Variants in DAW1 observed in about 807,000 individuals in gnomAD.
DAW1 encodes dynein assembly factor with WD repeats 1.
Under a neutral mutation model 56.5 loss-of-function variants are expected in DAW1, and 47 were observed. That is an observed-to-expected ratio of 0.83 (90% CI 0.66 to 1.06). The LOEUF (loss-of-function observed/expected upper bound fraction) is 1.06, where lower values mean the gene tolerates loss of function less well. Ranked by LOEUF, DAW1 falls within the 50% of genes least tolerant of loss-of-function variation. The probability of loss-of-function intolerance (pLI) is 0.00; values close to 1 mark genes in which losing one functional copy is unlikely to be tolerated. For missense variants in DAW1, 505 were observed against 499.3 expected (o/e 1.01, Z -0.11); for synonymous variants, 190 against 179.0 (o/e 1.06, Z -0.49).
At chr2:227,885,516 A>T in intron 2 of DAW1, 93 bp downstream of exon 2, 2 of 922,470 alleles carry the variant, frequency 2.2e-6, no homozygotes, top group South Asian at 4.3e-5. Flanking sequence ...TGCAGATAAT[A>T]CATTATGTTT....
At chr2:227,880,930 C>T (rs1476503483) in intron 1 of DAW1, among the ~76,000 whole-genome samples, 1 of 152,158 alleles carries the variant, frequency 6.6e-6, no homozygotes, top group Non-Finnish European at 1.5e-5. Context: ...TAATTAAAGA[C>T]ATGGTACCGA....
chr2:227,872,617 C>A (rs1046029387), intron 1 of DAW1, among the ~76,000 whole-genome samples: 1 of 152,176 alleles, frequency 6.6e-6, no homozygotes, highest in Non-Finnish European at 1.5e-5. Flanking sequence ...GGCATCATCA[C>A]CCAGCCTGTT....
chr2:227,914,474 C>T (rs113715501), intron 10 of DAW1, among the ~76,000 whole-genome samples: 5,487 of 152,100 alleles, frequency 0.036, 125 homozygotes, highest in South Asian at 0.082. Flanking sequence ...TATGATTCTA[C>T]GCTGAGCCAT....
At chr2:227,890,773 T>C (rs1249545592) in intron 3 of DAW1, among the ~76,000 whole-genome samples, 7 of 152,248 alleles carry the variant, frequency 4.6e-5, no homozygotes, top group Non-Finnish European at 5.9e-5. Flanking sequence ...ATGGTGAAAG[T>C]AGATGCTATT....
rs1691344984 is a variant in DAW1, at chr2:227,893,970, A to C, written c.440+53A>C. The stretch of plus-strand genomic sequence containing the variant: ...TATTAATTCATTTATTCATCCCTCC[A>C]TCTGCTTGGGGAGAAAGGGAAGAAG... On this transcript the variant is annotated intron_variant, in intron 5 of 12. Coordinates refer to ENST00000309931, the MANE Select transcript of DAW1 (RefSeq NM_178821.3). 6 of 1,479,760 alleles carry C rather than the reference A, an allele frequency of 4.1e-6. No homozygotes were observed. The South Asian group carries it at 8.2e-5, about 20-fold the overall frequency. 91.7% of individuals were successfully genotyped at this position (1,479,760 alleles called of 1,614,324 possible). A position where few individuals can be genotyped will look rare whatever the true frequency, so the allele number is the denominator to read the frequency against.
At chr2:227,919,138 GTGAGATGTGAT>G (rs1346554045) in intron 11 of DAW1, among the ~76,000 whole-genome samples, 1 of 149,824 alleles carries the variant, frequency 6.7e-6, no homozygotes, top group African/African-American at 2.5e-5. Flanking sequence ...CAAGGCTGCA[GTGAGATGTGAT>G]TGCACCACTG....
intron 2 of DAW1, among the ~76,000 whole-genome samples, chr2:227,888,361 A>G (rs1691178548): frequency 6.6e-6 from 1 of 152,252 alleles, no homozygotes; most frequent in Non-Finnish European, 1.5e-5. Context: ...TTTATTGGGC[A>G]GTGACACTTG....
chr2:227,914,753 G>T (rs1691912519), intron 10 of DAW1, among the ~76,000 whole-genome samples: 1 of 151,982 alleles, frequency 6.6e-6, no homozygotes, highest in Non-Finnish European at 1.5e-5. Context: ...AACCACCTAT[G>T]ATGCTACATG....
chr2:227,900,276 T>A (rs1244432880), intron 6 of DAW1, among the ~76,000 whole-genome samples: 2 of 152,212 alleles, frequency 1.3e-5, no homozygotes, highest in East Asian at 3.9e-4. Flanking sequence ...GTGACCATTT[T>A]TGCACACTCC....
chr2:227,887,273 G>A (rs1326794879), intron 2 of DAW1, among the ~76,000 whole-genome samples: 3 of 152,160 alleles, frequency 2.0e-5, no homozygotes, highest in East Asian at 3.8e-4. Context: ...GAAAAGATGA[G>A]GCCTAATATC....
intron 2 of DAW1, among the ~76,000 whole-genome samples, chr2:227,888,539 C>A (rs1294591699): frequency 2.6e-5 from 4 of 152,204 alleles, no homozygotes; most frequent in Non-Finnish European, 5.9e-5. Context: ...TCTTGCTCTG[C>A]CCCTGCTCAG....
intron 12 of DAW1, among the ~76,000 whole-genome samples, chr2:227,923,615 A>C (rs139309064): frequency 1.1e-3 from 173 of 152,218 alleles, no homozygotes; most frequent in African/African-American, 3.9e-3. Flanking sequence ...GTGATGTTTG[A>C]GGGGACGGCA....
intron 10 of DAW1, among the ~76,000 whole-genome samples, chr2:227,909,222 G>C (rs1202276232): frequency 1.6e-5 from 2 of 122,090 alleles, no homozygotes; most frequent in Non-Finnish European, 3.5e-5. Context: ...CCTTTAGAAA[G>C]GTGGTGATAT....
chr2:227,893,683 C>T (rs148041205), intron 4 of DAW1, 112 bp from the exon 5 acceptor site: 1 of 1,460,064 alleles, frequency 6.8e-7, no homozygotes, highest in African/African-American at 1.4e-5. Context: ...AACAAACAAA[C>T]AAACAAACAA....
chr2:227,907,949 C>T (rs560931060), intron 10 of DAW1, among the ~76,000 whole-genome samples: 5 of 152,196 alleles, frequency 3.3e-5, no homozygotes, highest in South Asian at 2.1e-4. Flanking sequence ...TGTGCTGTTC[C>T]GCTATGTCTA....
intron 1 of DAW1, among the ~76,000 whole-genome samples, chr2:227,872,978 T>C (rs1290720230): frequency 6.6e-6 from 1 of 152,198 alleles, no homozygotes; most frequent in Non-Finnish European, 1.5e-5. Context: ...CTTCCTATCA[T>C]GCTTAGAATA....
intron 5 of DAW1, among the ~76,000 whole-genome samples, chr2:227,896,475 A>G (rs552512619): frequency 1.3e-5 from 2 of 152,204 alleles, no homozygotes; most frequent in South Asian, 2.1e-4. Flanking sequence ...CACGTGTCCA[A>G]TCAGTTATCT....
chr2:227,880,275 C>A (rs16824075), intron 1 of DAW1, among the ~76,000 whole-genome samples: 2,366 of 152,078 alleles, frequency 0.016, 54 homozygotes, highest in African/African-American at 0.054. Flanking sequence ...TTTGTAAGCA[C>A]CTTAAATCTT....
At position 227,906,272 on chromosome 2, in the gene DAW1, T is replaced by C; in HGVS notation, c.792T>C (p.Ile264=). The C allele has an allele frequency of 6.2e-7, 1 of 1,613,648 alleles. No individual in the cohort carries two copies. The change falls in exon 9 of 13, where the codon ATT becomes ATC. Residue 264 remains isoleucine (I), a synonymous_variant. Transcript: ENST00000309931. ...VNILIGHCAE[I]SSASFNWDCS... ...TCTTAATTGGTCATTGTGCTGAGAT[T>C]AGCAGTGCCTCATTCAATTGGGATT...
Sources: allele counts gnomAD v4.1 joint callset (sites outside exome capture counted in the v4.1 genomes callset), GRCh38; gene constraint gnomAD v4.1.1; transcripts MANE v1.5; gene names NCBI Gene and HGNC (gene_info 2026-07-23, HGNC 2026-07-21).